The following AGXT2 variants were observed in gnomAD, a reference collection of about 807,000 sequenced individuals.
AGXT2 encodes the protein alanine--glyoxylate aminotransferase 2, also known as alanine--glyoxylate aminotransferase 2, mitochondrial.
In AGXT2, 61 loss-of-function variants were observed where a neutral mutation model predicts 62.5. The ratio of observed to expected loss-of-function variants is 0.98; its 90% CI spans 0.79 to 1.21. The LOEUF (loss-of-function observed/expected upper bound fraction) is 1.21, where lower values mean the gene tolerates loss of function less well. Among genes scored for constraint, AGXT2 ranks in the 50% most tolerant of loss-of-function variants. AGXT2 has a pLI of 0.00. For synonymous variants in AGXT2, 243 were observed against 218.7 expected, an observed-to-expected ratio of 1.11 and a Z score of -0.98; for missense variants, 666 against 641.5, an observed-to-expected ratio of 1.04 and a Z score of -0.41.
intron 3 of AGXT2, among the ~76,000 whole-genome samples, chr5:35,039,026 T>G (rs895377267): frequency 4.6e-5 from 7 of 152,146 alleles, no homozygotes; most frequent in African/African-American, 1.7e-4. Flanking sequence ...TTTCCCTGAA[T>G]GCACCCCTCT....
At chr5:35,002,598 C>A (rs993988880) in intron 13 of AGXT2, among the ~76,000 whole-genome samples, 1 of 152,332 alleles carries the variant, frequency 6.6e-6, no homozygotes, top group Admixed American at 6.5e-5. Flanking sequence ...AGGGAGCTCT[C>A]TTGCCCCTTC....
chr5:35,036,466 A>C (rs2112275314), intron 4 of AGXT2, among the ~76,000 whole-genome samples: 1 of 152,370 alleles, frequency 6.6e-6, no homozygotes, highest in Middle Eastern at 3.4e-3. Flanking sequence ...TGTAGAAAAA[A>C]ATATCTAAGT....
intron 7 of AGXT2, among the ~76,000 whole-genome samples, chr5:35,031,697 C>G (rs919560060): frequency 6.6e-6 from 1 of 152,146 alleles, no homozygotes; most frequent in Non-Finnish European, 1.5e-5. Flanking sequence ...GTGAGAAAGC[C>G]TTTAAAACTT....
At chr5:35,044,603 C>G (rs1190625606) in intron 1 of AGXT2, among the ~76,000 whole-genome samples, 1 of 152,212 alleles carries the variant, frequency 6.6e-6, no homozygotes, top group Non-Finnish European at 1.5e-5. Context: ...GTGTGGGGTC[C>G]TGTCCACGTC....
intron 2 of AGXT2, 96 bp downstream of exon 2, chr5:35,040,479 G>A: frequency 8.6e-7 from 1 of 1,160,676 alleles, no homozygotes; most frequent in Middle Eastern, 1.9e-4. Context: ...TTAGTGGCAA[G>A]CAGGGCTATT....
In AGXT2 at chr5:35,003,817, A is replaced by C; in HGVS notation, c.1383T>G (p.His461Gln). The C allele has an allele frequency of 6.2e-7, 1 of 1,614,214 alleles. No homozygotes were observed. Among genetic ancestry groups the C allele is most frequent in the Non-Finnish European group, 8.5e-7 (1 of 1,180,038 alleles). The change falls in exon 13 of 14, where the codon CAT becomes CAG. Residue 461 changes from histidine (H) to glutamine (Q), a missense_variant. By Grantham distance (24) the His-to-Gln change is conservative. Coordinates refer to ENST00000231420, the MANE Select transcript of AGXT2 (RefSeq NM_031900.4). ...PLPREEVNQI[H>Q]EDCKHMGLLV... ...GGAGTCCCATGTGCTTGCAGTCCTC[A>C]TGGATCTGATTTACTTCTTCACGGG...
chr5:35,002,776 T>TG (rs139567894), intron 13 of AGXT2, among the ~76,000 whole-genome samples: 32,248 of 122,700 alleles, frequency 0.26, 3,480 homozygotes, highest in Middle Eastern at 0.37. Context: ...GATAGCAGGC[T>TG]GGGGGGGGGG....
chr5:35,026,241 A>G, intron 8 of AGXT2, 169 bp downstream of exon 8: 1 of 668,044 alleles, frequency 1.5e-6, no homozygotes, highest in Non-Finnish European at 2.6e-6. Context: ...GGTTTTTAAA[A>G]GGTCATTTGA....
chr5:35,004,160 T>C (rs1199818419), intron 12 of AGXT2, among the ~76,000 whole-genome samples: 1 of 152,248 alleles, frequency 6.6e-6, no homozygotes, highest in Non-Finnish European at 1.5e-5. Flanking sequence ...TGCTAATGGC[T>C]GCCTTGGGAG....
chr5:35,047,833 C>A lies in AGXT2; in HGVS notation c.60G>T (p.Arg20Ser). The A allele has an allele frequency of 3.7e-6, 6 of 1,614,110 alleles. No homozygotes were observed. The highest frequency in any genetic ancestry group is 5.1e-6 in the Non-Finnish European group (6 of 1,180,014). ...TCAGGAAAGGATGCATCTCAAGGATCCTGGGAGCGGAAGTGACCAGGCACA... is the reference window on the plus strand; with the variant it reads ...TCAGGAAAGGATGCATCTCAAGGATACTGGGAGCGGAAGTGACCAGGCACA... ...RPLCLVTSAP[R>S]ILEMHPFLSL... The change falls in exon 1 of 14, where the codon AGG becomes AGT. Residue 20 changes from arginine to serine, a missense_variant. Coordinates refer to ENST00000231420, the MANE Select transcript of AGXT2 (RefSeq NM_031900.4).
At chr5:35,046,991 C>T (rs890883906) in intron 1 of AGXT2, among the ~76,000 whole-genome samples, 8 of 152,174 alleles carry the variant, frequency 5.3e-5, no homozygotes, top group Non-Finnish European at 1.0e-4. Context: ...GTTCTTGCTG[C>T]AGAGAGGAGA....
In AGXT2 at chr5:35,003,852, G is replaced by A; in HGVS notation, c.1348C>T (p.Arg450Trp). The stretch of plus-strand genomic sequence containing the variant: ...TTTACTTCTTCACGGGGAAGAGGCC[G>A]ACAGCTTATCTGTAAATATATTTTT... ...IEMVQDKISC[R>W]PLPREEVNQI... The change falls in exon 13 of 14, where the codon CGG becomes TGG. Residue 450 changes from arginine (R) to tryptophan (W), a missense_variant. Transcript: ENST00000231420. 1 of 1,613,848 alleles carries A rather than the reference G, an allele frequency of 6.2e-7. No homozygotes were observed. Among genetic ancestry groups the A allele is most frequent in the Non-Finnish European group, 8.5e-7 (1 of 1,179,800 alleles).
rs748836068 is a variant in AGXT2, at chr5:35,040,575, C to G, written c.177G>C (p.Gln59His). ...GTTTTCTTAAAGCCCTGAATCTCAC[C>G]TGGTATCTTTCAGGCATGAAGTCAC... ...PPCDFMPERY[Q>H]SLGYNRVLEI... The change falls in exon 2 of 14, where the codon CAG becomes CAC. Residue 59 changes from glutamine to histidine, a missense_variant and splice_region_variant. Coordinates refer to ENST00000231420, the MANE Select transcript of AGXT2 (RefSeq NM_031900.4). 6.2e-7 allele frequency: 1 copy of G among 1,613,146 alleles called. No individual in the cohort carries two copies. The highest frequency in any genetic ancestry group is 8.5e-7 in the Non-Finnish European group (1 of 1,179,184).
intron 12 of AGXT2, among the ~76,000 whole-genome samples, chr5:35,007,459 C>T (rs1449927319): frequency 2.0e-5 from 3 of 152,156 alleles, no homozygotes; most frequent in Non-Finnish European, 2.9e-5. Context: ...CAAAGGCAAG[C>T]TTTAAGGAGA....
chr5:35,026,843 C>A (rs1767373116), intron 7 of AGXT2: 1 of 985,094 alleles, frequency 1.0e-6, no homozygotes, highest in Non-Finnish European at 1.2e-6. Context: ...GATGCCCGTC[C>A]TCTCAAACAG....
chr5:35,002,939 C>G (rs888852827), intron 13 of AGXT2, among the ~76,000 whole-genome samples: 42 of 152,270 alleles, frequency 2.8e-4, no homozygotes, highest in Admixed American at 2.2e-3. Flanking sequence ...AGCAGGGAAA[C>G]TGGGAAGGAT....
chr5:35,044,763 G>A (rs1768123827), intron 1 of AGXT2, among the ~76,000 whole-genome samples: 1 of 152,174 alleles, frequency 6.6e-6, no homozygotes, highest in Non-Finnish European at 1.5e-5. Flanking sequence ...ATTCTGAGGT[G>A]GGTGGGTCTT....
intron 1 of AGXT2, among the ~76,000 whole-genome samples, chr5:35,044,872 G>A (rs1032253053): frequency 6.6e-6 from 1 of 152,206 alleles, no homozygotes; most frequent in African/African-American, 2.4e-5. Flanking sequence ...GCCTGGAGGG[G>A]TGTAGATGGG....
At chr5:35,026,301 G>T in intron 8 of AGXT2, 109 bp downstream of exon 8, 1 of 896,488 alleles carries the variant, frequency 1.1e-6, no homozygotes, top group East Asian at 2.6e-5. Flanking sequence ...AATTTAGAGA[G>T]GGACACAGTG....
Sources: allele counts gnomAD v4.1 joint callset (sites outside exome capture counted in the v4.1 genomes callset), GRCh38; gene constraint gnomAD v4.1.1; transcripts MANE v1.5; gene names NCBI Gene and HGNC (gene_info 2026-07-23, HGNC 2026-07-21).